NCBP3: variants seen among roughly 807,000 people sequenced by gnomAD.
NCBP3 encodes nuclear cap binding subunit 3.
Under a neutral mutation model 75.7 loss-of-function variants are expected in NCBP3, and 20 were observed. The observed-to-expected ratio is 0.26, with a 90% CI of 0.19 to 0.38. The LOEUF is 0.38. NCBP3 is among the 10% of genes least tolerant of loss of function. The pLI is 1.00. For missense variants in NCBP3, 678 were observed against 796.9 expected, an observed-to-expected ratio of 0.85 and a Z score of 1.80; for synonymous variants, 293 against 290.5, an observed-to-expected ratio of 1.01 and a Z score of -0.09.
At position 3,809,197 on chromosome 17, in the gene NCBP3, T is replaced by C. The variant is rs1389898760; in HGVS notation, c.*3847A>G. 3 of 151,812 alleles carry C rather than the reference T, an allele frequency of 2.0e-5. No individual in the cohort carries two copies. The highest frequency in any genetic ancestry group is 4.4e-5 in the Non-Finnish European group (3 of 67,966). 9.4% of individuals were successfully genotyped at this position (151,812 alleles called of 1,614,324 possible). ...ACTTCACACCAGAAAATAATGAGTG[T>C]TGGTGGAGATGTGGAGAAACTGGAA... is the stretch of plus-strand genomic sequence containing the variant. On this transcript the variant is annotated 3_prime_UTR_variant, in exon 13 of 13. Transcript: ENST00000389005.
rs142773074 is a variant in NCBP3 at position 3,829,425 on chromosome 17, C to A, written c.356-57G>T. 3.8e-4 allele frequency: 574 copies of A among 1,528,646 alleles called. 1 individual carries two copies. Among genetic ancestry groups the A allele is most frequent in the Middle Eastern group, 3.2e-3 (19 of 5,916 alleles). The allele number at this position is 1,528,646 out of a possible 1,614,324, so 94.7% of individuals were successfully genotyped here. ...AATTTTCCTGTCCGCAACTGCACATCCCATCCACACTCCTTCCTAATAGTT... is the reference window on the plus strand; with the variant it reads ...AATTTTCCTGTCCGCAACTGCACATACCATCCACACTCCTTCCTAATAGTT... On this transcript the variant is annotated intron_variant, in intron 3 of 12. Coordinates refer to ENST00000389005, the MANE Select transcript of NCBP3 (RefSeq NM_001114118.3).
At chr17:3,843,174 G>A (rs2054096513) in intron 1 of NCBP3, 23 bp from the exon 2 acceptor site, 1 of 1,546,350 alleles carries the variant, frequency 6.5e-7, no homozygotes, top group East Asian at 2.4e-5. Context: ...GGAAGGGTGA[G>A]AAATTCAGAC....
intron 1 of NCBP3, among the ~76,000 whole-genome samples, chr17:3,844,110 C>T (rs532864113): frequency 3.9e-5 from 6 of 152,324 alleles, no homozygotes; most frequent in African/African-American, 1.4e-4. Flanking sequence ...TCATGCCCAG[C>T]CACCAGGTGG....
intron 3 of NCBP3, among the ~76,000 whole-genome samples, chr17:3,839,854 G>A (rs2054034823): frequency 6.6e-6 from 1 of 152,150 alleles, no homozygotes; most frequent in South Asian, 2.1e-4. Context: ...CCACTAACTG[G>A]TAACTTTTTC....
At chr17:3,842,194 G>C (rs2054076313) in intron 2 of NCBP3, among the ~76,000 whole-genome samples, 1 of 152,194 alleles carries the variant, frequency 6.6e-6, no homozygotes, top group South Asian at 2.1e-4. Flanking sequence ...GGAGGCTGAG[G>C]CAGGTGGATC....
In NCBP3 at chr17:3,816,250, C is replaced by A; in HGVS notation, c.1331G>T (p.Ser444Ile). ...KNIRNSMRAD[S>I]VSSSNIKNRI... ...GTTTTTGATATTGCTTGAAGATACA[C>A]TATCTGCCCTCATGGAGTTCCTTTA... The change falls in exon 11 of 13, where the codon AGT (serine) becomes ATT (isoleucine). Residue 444 changes from serine to isoleucine, a missense_variant. Ser to Ile is a moderately radical substitution (Grantham distance 142). Around this residue, in one of 7 missense-constraint regions of NCBP3, gnomAD observed 365 missense variants for 392.7 expected, o/e 0.93. Coordinates refer to ENST00000389005, the MANE Select transcript of NCBP3 (RefSeq NM_001114118.3). The A allele has an allele frequency of 6.2e-7, 1 of 1,614,074 alleles. No individual in the cohort carries two copies. The highest frequency in any genetic ancestry group is 8.5e-7 in the Non-Finnish European group (1 of 1,179,980).
At position 3,827,093 on chromosome 17, in the gene NCBP3, G is replaced by T. The variant is rs1352134709; in HGVS notation, c.482-878C>A. ...GGAAGGGTAGGGGGAAAGGGGAAGG[G>T]GGAAGGGAAAAGATGGAAGGGAAGG... On this transcript the variant is annotated intron_variant, in intron 4 of 12. Coordinates refer to ENST00000389005, the MANE Select transcript of NCBP3 (RefSeq NM_001114118.3). Among the ~76,000 whole-genome samples, 3 of 139,796 alleles carry T rather than the reference G, an allele frequency of 2.1e-5. No individual in the cohort carries two copies. In the East Asian group the frequency reaches 6.4e-4, roughly 30 times the overall value. The allele number at this position is 139,796 out of a possible 152,430, so 91.7% of individuals were successfully genotyped here. A position where few individuals can be genotyped will look rare whatever the true frequency, so the allele number is the denominator to read the frequency against.
chr17:3,815,426 G>A (rs2053511998), intron 11 of NCBP3, among the ~76,000 whole-genome samples: 3 of 152,196 alleles, frequency 2.0e-5, no homozygotes, highest in Non-Finnish European at 4.4e-5. Flanking sequence ...ACCAGGGTCT[G>A]GCACATAGCA....
intron 7 of NCBP3, chr17:3,824,470 C>T (rs2053744407): frequency 6.5e-6 from 1 of 153,776 alleles, no homozygotes; most frequent in South Asian, 2.0e-4. Context: ...ACACGCGATA[C>T]ATACATACAT....
At chr17:3,823,986 T>G (rs1419977107) in intron 7 of NCBP3, 2 of 152,160 alleles carry the variant, frequency 1.3e-5, no homozygotes, top group East Asian at 3.8e-4. Flanking sequence ...ATAGTAAACC[T>G]ATATTCTTGG....
At chr17:3,845,763 C>T (rs1204525754) in intron 1 of NCBP3, among the ~76,000 whole-genome samples, 5 of 152,112 alleles carry the variant, frequency 3.3e-5, no homozygotes, top group Non-Finnish European at 7.4e-5. Context: ...CACAGCGCGG[C>T]TCAGAGGGGG....
Position 3,829,311 on chromosome 17 carries a change from G to A in NCBP3, c.413C>T (p.Thr138Ile). The A allele has an allele frequency of 6.4e-7, 1 of 1,551,666 alleles. No individual in the cohort carries two copies. Among genetic ancestry groups the A allele is most frequent in the Non-Finnish European group, 8.7e-7 (1 of 1,146,942 alleles). The change falls in exon 4 of 13, where the codon ACC (threonine) becomes ATC (isoleucine). Residue 138 changes from threonine to isoleucine, a missense_variant. Thr to Ile is a moderately conservative substitution (Grantham distance 89). Transcript: ENST00000389005. ...TTTAAAATAGGAAAAGACATCTTGG[G>A]TGCTCATCTCATCTACTCCGCAAAT... The part of the protein sequence containing the change: ...IYICGVDEMS[T>I]QDVFSYFKEY...
At chr17:3,822,255 A>C in intron 7 of NCBP3, 1 of 477,928 alleles carries the variant, frequency 2.1e-6, no homozygotes, top group Non-Finnish European at 3.7e-6. Context: ...ACAGAGACGA[A>C]TGAGGTTAAA....
Position 3,825,077 on chromosome 17 carries a change from T to C in NCBP3, c.688-27A>G, listed in dbSNP as rs1165025140. On this transcript the variant is annotated intron_variant, in intron 6 of 12. Coordinates refer to ENST00000389005, the MANE Select transcript of NCBP3 (RefSeq NM_001114118.3). ...TTAAGAAAGAAGAGTATTTTTAATA[T>C]AAAAATTAAAGTCCTTTTGATATTT... 2.3e-6 allele frequency: 3 copies of C among 1,298,940 alleles called. No homozygotes were observed. In the African/African-American group the frequency reaches 4.5e-5, roughly 20 times the overall value. 80.5% of individuals were successfully genotyped at this position (1,298,940 alleles called of 1,614,324 possible). A position where few individuals can be genotyped will look rare whatever the true frequency, so the allele number is the denominator to read the frequency against.
At position 3,808,753 on chromosome 17, in the gene NCBP3, C is replaced by CAGGTCT. The variant is rs1192413412; in HGVS notation, c.*4285_*4290dup. The CAGGTCT allele has an allele frequency of 6.6e-6, 1 of 152,182 alleles. No individual in the cohort carries two copies. The highest frequency in any genetic ancestry group is 6.6e-5 in the Admixed American group (1 of 15,260). 9.4% of individuals were successfully genotyped at this position (152,182 alleles called of 1,614,324 possible). A position where few individuals can be genotyped will look rare whatever the true frequency, so the allele number is the denominator to read the frequency against. On this transcript the variant is annotated 3_prime_UTR_variant, in exon 13 of 13. Transcript: ENST00000389005. ...TTATGTATGTATGTATTTTTTGAGA[C>CAGGTCT]AGGTCTTGCTCTGCTGCCCAGGCTG...
intron 7 of NCBP3, chr17:3,823,703 A>G (rs796498270): frequency 6.6e-6 from 1 of 152,292 alleles, no homozygotes; most frequent in African/African-American, 2.4e-5. Flanking sequence ...AATTACAGGC[A>G]CGAGCCACTG....
rs182332222 is a variant in NCBP3, at chr17:3,804,545, T to G, written c.*8499A>C. On this transcript the variant is annotated 3_prime_UTR_variant, in exon 13 of 13. Transcript: ENST00000389005. ...TGGGCGACAAGAGCAAGACTTCATC[T>G]CCAAAAAAAACAGAAAGGGCTGCCT... 4.0e-5 allele frequency: 6 copies of G among 151,338 alleles called. No individual in the cohort carries two copies. The highest frequency in any genetic ancestry group is 1.5e-4 in the African/African-American group (6 of 41,062). The allele number at this position is 151,338 out of a possible 1,614,324, so 9.4% of individuals were successfully genotyped here. A position where few individuals can be genotyped will look rare whatever the true frequency, so the allele number is the denominator to read the frequency against.
rs2053300115 is a variant in NCBP3, at chr17:3,803,551, C to T, written c.*9493G>A. The T allele has an allele frequency of 6.6e-6, 1 of 152,132 alleles. No homozygotes were observed. The highest frequency in any genetic ancestry group is 1.5e-5 in the Non-Finnish European group (1 of 68,036). The allele number at this position is 152,132 out of a possible 1,614,324, so 9.4% of individuals were successfully genotyped here. On this transcript the variant is annotated 3_prime_UTR_variant, in exon 13 of 13. Coordinates refer to ENST00000389005, the MANE Select transcript of NCBP3 (RefSeq NM_001114118.3). ...CTAAAACATCTTACGGATAAACGAG[C>T]ATGATGTATACAAATAATCCTCAAA...
chr17:3,823,148 T>G (rs941279581), intron 7 of NCBP3, among the ~76,000 whole-genome samples: 1 of 152,046 alleles, frequency 6.6e-6, no homozygotes, highest in Non-Finnish European at 1.5e-5. Context: ...CCATCTCTAC[T>G]AAAAATACAA....
Sources: allele counts gnomAD v4.1 joint callset (sites outside exome capture counted in the v4.1 genomes callset), GRCh38; gene constraint gnomAD v4.1.1; regional missense constraint gnomAD v4.1.1; transcripts MANE v1.5; gene names NCBI Gene and HGNC (gene_info 2026-07-23, HGNC 2026-07-21).